The following SGPL1 variants were observed in gnomAD, a reference collection of about 807,000 sequenced individuals.
SGPL1 encodes sphingosine-1-phosphate lyase 1.
A neutral mutation model predicts 68.9 loss-of-function variants in SGPL1; 37 were observed. That is an observed-to-expected ratio of 0.54 (90% confidence interval 0.41 to 0.71). SGPL1 has a LOEUF of 0.71. Among genes scored for constraint, SGPL1 ranks in the 30% least tolerant of loss-of-function variants. The pLI is 0.00. For missense variants in SGPL1, 551 were observed against 704.6 expected, an observed-to-expected ratio of 0.78 and a Z score of 2.47; for synonymous variants, 236 against 248.5, an observed-to-expected ratio of 0.95 and a Z score of 0.47.
chr10:70,869,812 A>G lies in SGPL1; in HGVS notation c.725A>G (p.His242Arg). 1 of 1,614,080 alleles carries G rather than the reference A, an allele frequency of 6.2e-7. No individual in the cohort carries two copies. Among genetic ancestry groups the G allele is most frequent in the South Asian group, 1.1e-5 (1 of 91,064 alleles). The stretch of plus-strand genomic sequence containing the variant: ...TTTAGTGTGGCTCCCCAAAGTGCCC[A>G]TGCTGCATTTAACAAAGCAGCCAGT... Reference protein sequence around the residue: ...TPEIVAPQSAHAAFNKAASYF... With the variant: ...TPEIVAPQSARAAFNKAASYF... Residue 242 changes from histidine to arginine, a missense_variant, in exon 9 of 15, where the codon CAT (histidine) becomes CGT (arginine). By Grantham distance (29) the His-to-Arg change is conservative. Coordinates refer to ENST00000373202, the MANE Select transcript of SGPL1 (RefSeq NM_003901.4).
chr10:70,843,092 G>A (rs1367018835), intron 2 of SGPL1, among the ~76,000 whole-genome samples: 1 of 152,144 alleles, frequency 6.6e-6, no homozygotes, highest in Non-Finnish European at 1.5e-5. Context: ...TCTACCTAGA[G>A]AATTTTCTTT....
At chr10:70,840,577 G>T (rs1281219641) in intron 2 of SGPL1, among the ~76,000 whole-genome samples, 3 of 152,074 alleles carry the variant, frequency 2.0e-5, no homozygotes, top group Non-Finnish European at 4.4e-5. Flanking sequence ...AATGATGCCA[G>T]GAGATGTAAT....
In SGPL1 at chr10:70,879,287, G is replaced by A. The variant is rs777942020; in HGVS notation, c.*1952G>A. On this transcript the variant is annotated 3_prime_UTR_variant, in exon 15 of 15. Transcript: ENST00000373202. ...TACCAGACTTTTCCTCAGGCTCCTTGGCATGTTAGTCTGAATTGTTCTTGA... is the reference window on the plus strand; with the variant it reads ...TACCAGACTTTTCCTCAGGCTCCTTAGCATGTTAGTCTGAATTGTTCTTGA... The A allele has an allele frequency of 8.5e-5, 13 of 152,670 alleles. No homozygotes were observed. Among genetic ancestry groups the A allele is most frequent in the Non-Finnish European group, 1.9e-4 (13 of 68,096 alleles). The allele number at this position is 152,670 out of a possible 1,614,324, so 9.5% of individuals were successfully genotyped here. A position where few individuals can be genotyped will look rare whatever the true frequency, so the allele number is the denominator to read the frequency against.
chr10:70,877,518 A>G lies in SGPL1; in HGVS notation c.*183A>G. The G allele has an allele frequency of 1.8e-6, 1 of 548,140 alleles. No individual in the cohort carries two copies. Among genetic ancestry groups the G allele is most frequent in the African/African-American group, 1.9e-5 (1 of 53,802 alleles). The allele number at this position is 548,140 out of a possible 1,614,324, so 34.0% of individuals were successfully genotyped here. ...TCTTATCTTCCTTTTGTGGTTTTTA[A>G]TTTGAAGACCCCAGAGAATTCCATT... On this transcript the variant is annotated 3_prime_UTR_variant, in exon 15 of 15. Coordinates refer to ENST00000373202, the MANE Select transcript of SGPL1 (RefSeq NM_003901.4).
intron 2 of SGPL1, among the ~76,000 whole-genome samples, chr10:70,840,064 A>T (rs1006894672): frequency 1.3e-5 from 2 of 152,138 alleles, no homozygotes; most frequent in African/African-American, 2.4e-5. Context: ...TTAGTATGTT[A>T]TACATGGTAC....
At chr10:70,844,719 A>G (rs1469089669) in intron 3 of SGPL1, 81 bp downstream of exon 3, 4 of 1,321,254 alleles carry the variant, frequency 3.0e-6, no homozygotes, top group Non-Finnish European at 4.2e-6. Flanking sequence ...GGACTAATTT[A>G]TTGCCTTTTG....
chr10:70,878,269 C>A lies in SGPL1; in HGVS notation c.*934C>A, dbSNP rs1846434524. The A allele has an allele frequency of 6.6e-6, 1 of 152,208 alleles. No homozygotes were observed. The highest frequency in any genetic ancestry group is 1.5e-5 in the Non-Finnish European group (1 of 68,042). The allele number at this position is 152,208 out of a possible 1,614,324, so 9.4% of individuals were successfully genotyped here. ...ATTCTAGCATACCTGCTTCGTCCAC[C>A]CAGGCAGGGTTTGGGGTGGTCTCTT... On this transcript the variant is annotated 3_prime_UTR_variant, in exon 15 of 15. Coordinates refer to ENST00000373202, the MANE Select transcript of SGPL1 (RefSeq NM_003901.4).
intron 14 of SGPL1, 110 bp from the exon 15 acceptor site, chr10:70,877,085 G>A (rs1589479477): frequency 9.8e-7 from 1 of 1,021,956 alleles, no homozygotes; most frequent in East Asian, 2.4e-5. Context: ...ATGGGGTAGG[G>A]CAGTGCACAT....
At chr10:70,846,106 ACT>A (rs928514172) in intron 3 of SGPL1, among the ~76,000 whole-genome samples, 1 of 152,040 alleles carries the variant, frequency 6.6e-6, no homozygotes, top group African/African-American at 2.4e-5. Flanking sequence ...ATGAGACCTG[ACT>A]CTCCTGTGTA....
At chr10:70,873,038 CAT>C (rs1198307197) in intron 11 of SGPL1, among the ~76,000 whole-genome samples, 6 of 152,196 alleles carry the variant, frequency 3.9e-5, no homozygotes, top group South Asian at 2.1e-4. Context: ...TTCATCCTGA[CAT>C]ATGGTCTCCA....
At chr10:70,846,362 T>C (rs1183783070) in intron 3 of SGPL1, among the ~76,000 whole-genome samples, 1 of 106,916 alleles carries the variant, frequency 9.4e-6, no homozygotes, top group African/African-American at 3.6e-5. Context: ...AGAAATATAC[T>C]TTCTTTTTAT....
Position 70,859,448 on chromosome 10 carries a change from C to G in SGPL1, c.564C>G (p.Ile188Met), listed in dbSNP as rs827255. Reference sequence around the variant, plus strand: ...GACTACGCAAGATAGAGGCAGAAATCGTGAGGATAGCTTGTTCCCTGTTCA... The same window carrying G: ...GACTACGCAAGATAGAGGCAGAAATGGTGAGGATAGCTTGTTCCCTGTTCA... ...FPGLRKIEAE[I>M]VRIACSLFNG... is the part of the protein sequence containing the mutation. The change falls in exon 7 of 15, where the codon ATC (isoleucine) becomes ATG (methionine). Residue 188 changes from isoleucine to methionine, a missense_variant. Ile to Met is a conservative substitution (Grantham distance 10). Coordinates refer to ENST00000373202, the MANE Select transcript of SGPL1 (RefSeq NM_003901.4). The G allele has an allele frequency of 6.4e-7, 1 of 1,570,554 alleles. No homozygotes were observed. The highest frequency in any genetic ancestry group is 8.6e-7 in the Non-Finnish European group (1 of 1,158,328).
intron 2 of SGPL1, among the ~76,000 whole-genome samples, chr10:70,818,731 A>G (rs916981047): frequency 2.0e-5 from 3 of 152,226 alleles, no homozygotes; most frequent in African/African-American, 7.2e-5. Flanking sequence ...GGTTATCCGC[A>G]GATCCCAATG....
At chr10:70,858,226 C>T (rs191067183) in intron 6 of SGPL1, among the ~76,000 whole-genome samples, 353 of 152,286 alleles carry the variant, frequency 2.3e-3, no homozygotes, top group African/African-American at 8.3e-3. Context: ...GCCTTGACCT[C>T]TTTGGCTCAA....
chr10:70,831,642 C>T (rs1270166701), intron 2 of SGPL1, among the ~76,000 whole-genome samples: 5 of 152,198 alleles, frequency 3.3e-5, no homozygotes, highest in Non-Finnish European at 7.3e-5. Context: ...TCCCTGGGTG[C>T]ACCACCCTCC....
At chr10:70,863,867 G>T (rs927950386) in intron 7 of SGPL1, among the ~76,000 whole-genome samples, 1 of 152,142 alleles carries the variant, frequency 6.6e-6, no homozygotes, top group Non-Finnish European at 1.5e-5. Flanking sequence ...TCTCCTGTTG[G>T]ACTCCTTATC....
rs1261652130 is a variant in SGPL1 at position 70,873,386 on chromosome 10, G to A, written c.1095G>A (p.Leu365=). ...GYAPKGSSLV[L]YSDKKYRNYQ... is the part of the protein sequence containing the mutation. ...CCCCAAAAGGCTCATCATTGGTGTT[G>A]TATAGTGACAAGAAGTACAGGAACT... The change falls in exon 12 of 15, where the codon TTG becomes TTA. Residue 365 remains leucine (L), a synonymous_variant. Transcript: ENST00000373202. 1.9e-6 allele frequency: 3 copies of A among 1,614,098 alleles called. No homozygotes were observed. The highest frequency in any genetic ancestry group is 2.7e-5 in the African/African-American group (2 of 74,934).
At position 70,877,989 on chromosome 10, in the gene SGPL1, A is replaced by G. The variant is rs116881201; in HGVS notation, c.*654A>G. 0.028 allele frequency: 4,136 copies of G among 150,172 alleles called. 109 individuals are homozygous for G. Among genetic ancestry groups the G allele is most frequent in the East Asian group, 0.13 (670 of 5,106 alleles). 9.3% of individuals were successfully genotyped at this position (150,172 alleles called of 1,614,324 possible). A position where few individuals can be genotyped will look rare whatever the true frequency, so the allele number is the denominator to read the frequency against. On this transcript the variant is annotated 3_prime_UTR_variant, in exon 15 of 15. Coordinates refer to ENST00000373202, the MANE Select transcript of SGPL1 (RefSeq NM_003901.4). ...ACCACCACGCCTGGCTAATTTTTCAATTTTCTTTTTCAGTAGAGACGGGTT... is the reference window on the plus strand; with the variant it reads ...ACCACCACGCCTGGCTAATTTTTCAGTTTTCTTTTTCAGTAGAGACGGGTT...
chr10:70,847,475 A>G (rs1360504095), intron 3 of SGPL1, among the ~76,000 whole-genome samples: 3 of 152,322 alleles, frequency 2.0e-5, no homozygotes, highest in East Asian at 3.9e-4. Flanking sequence ...AAAGATACAA[A>G]ACAAAAGCAG....
Sources: allele counts gnomAD v4.1 joint callset (sites outside exome capture counted in the v4.1 genomes callset), GRCh38; gene constraint gnomAD v4.1.1; transcripts MANE v1.5; gene names NCBI Gene and HGNC (gene_info 2026-07-23, HGNC 2026-07-21).